The following CRACR2A variants were observed in gnomAD, a reference collection of about 807,000 sequenced individuals.
The protein encoded by CRACR2A is calcium release activated channel regulator 2A, also known as EF-hand calcium-binding domain-containing protein 4B.
A neutral mutation model predicts 90.5 loss-of-function variants in CRACR2A; 79 were observed. That is an observed-to-expected ratio of 0.87 (90% CI 0.73 to 1.05). CRACR2A has a LOEUF of 1.05. Ranked by LOEUF, CRACR2A falls within the 50% of genes least tolerant of loss-of-function variation. The pLI, the probability that CRACR2A is intolerant of heterozygous loss-of-function variation, is 0.00. For missense variants in CRACR2A, 823 were observed against 897.2 expected, an observed-to-expected ratio of 0.92 and a Z score of 1.06; for synonymous variants, 338 against 356.7, an observed-to-expected ratio of 0.95 and a Z score of 0.59.
rs569026211 is a variant in CRACR2A, at chr12:3,641,288, G to A, written c.1271+444C>T. On this transcript the variant is annotated intron_variant, in intron 13 of 19. Transcript: ENST00000440314. The stretch of plus-strand genomic sequence containing the variant: ...GAACCTGGGAGGCAAAGGTTGCAGT[G>A]AGCCGAGATTGCACCACTGCACTCC... 7.9e-5 allele frequency among the ~76,000 whole-genome samples: 12 copies of A among 152,286 alleles called. No individual in the cohort carries two copies. The East Asian group carries it at 2.1e-3, about 27-fold the overall frequency.
intron 19 of CRACR2A, 21 bp from the exon 20 acceptor site, chr12:3,615,460 G>GAGTGA (rs1867661094): frequency 6.5e-7 from 1 of 1,539,162 alleles, no homozygotes; most frequent in Non-Finnish European, 8.8e-7. Context: ...GGAAGAGATC[G>GAGTGA]TGTCAGTGAT....
chr12:3,665,820 C>T (rs953752039), intron 7 of CRACR2A, among the ~76,000 whole-genome samples: 4 of 152,204 alleles, frequency 2.6e-5, no homozygotes, highest in African/African-American at 4.8e-5. Context: ...CCATACATCC[C>T]ACCAACATTG....
rs1944577252 is a variant in CRACR2A at position 3,641,794 on chromosome 12, A to G, written c.1209T>C (p.Ser403=). ...TCACAGAGCCAGATCTCTTTTTCCA[A>G]CTTGCCCTGGAAGCAGCTGTGTTTG... is the stretch of plus-strand genomic sequence containing the variant. ...AKANTAASRA[S]WKKRSGSVIG... The change falls in exon 13 of 20, where the codon AGT becomes AGC. Residue 403 remains serine (S), a synonymous_variant. Transcript: ENST00000440314. 17 of 1,551,502 alleles carry G rather than the reference A, an allele frequency of 1.1e-5. No individual in the cohort carries two copies. Among genetic ancestry groups the G allele is most frequent in the Non-Finnish European group, 1.5e-5 (17 of 1,146,950 alleles).
chr12:3,652,245 G>A (rs1209764388), intron 10 of CRACR2A, among the ~76,000 whole-genome samples: 14 of 152,168 alleles, frequency 9.2e-5, no homozygotes, highest in Admixed American at 9.2e-4. Flanking sequence ...GCCTTCAGAT[G>A]TTTGTTGCTT....
At chr12:3,626,819 G>T (rs1470147993) in intron 17 of CRACR2A, among the ~76,000 whole-genome samples, 4 of 152,198 alleles carry the variant, frequency 2.6e-5, no homozygotes, top group Admixed American at 2.6e-4. Context: ...CATAAACATA[G>T]AGTCTCCCAG....
chr12:3,644,499 G>A, intron 12 of CRACR2A, 96 bp downstream of exon 12: 2 of 1,280,220 alleles, frequency 1.6e-6, no homozygotes, highest in Non-Finnish European at 2.2e-6. Context: ...GATCCCGAGT[G>A]TCAGGACATT....
rs1459168605 is a variant in CRACR2A, at chr12:3,638,107, G to A, written c.1602+17C>T. The A allele has an allele frequency of 6.5e-7, 1 of 1,527,478 alleles. No homozygotes were observed. Among genetic ancestry groups the A allele is most frequent in the Admixed American group, 2.0e-5 (1 of 49,546 alleles). The allele number at this position is 1,527,478 out of a possible 1,614,324, so 94.6% of individuals were successfully genotyped here. A position where few individuals can be genotyped will look rare whatever the true frequency, so the allele number is the denominator to read the frequency against. ...ATAGAAGTGATGTGCATGAACCAAG[G>A]TAGGCTGTGCCCTTACCTTACACAG... On this transcript the variant is annotated intron_variant, in intron 14 of 19. Transcript: ENST00000440314.
intron 6 of CRACR2A, among the ~76,000 whole-genome samples, chr12:3,673,943 C>A (rs1035494913): frequency 6.6e-6 from 1 of 152,210 alleles, no homozygotes; most frequent in African/African-American, 2.4e-5. Context: ...TCCTTCCCCA[C>A]CTCGCTCTGC....
intron 18 of CRACR2A, 41 bp from the exon 19 acceptor site, chr12:3,617,071 G>C (rs1295534166): frequency 2.7e-6 from 4 of 1,477,530 alleles, no homozygotes; most frequent in Non-Finnish European, 3.7e-6. Flanking sequence ...GTATTGGAGT[G>C]AGAGGGGATT....
At chr12:3,618,469 G>C (rs965356948) in intron 18 of CRACR2A, among the ~76,000 whole-genome samples, 3 of 152,120 alleles carry the variant, frequency 2.0e-5, no homozygotes, top group Non-Finnish European at 1.5e-5. Flanking sequence ...GAGCTTTTTG[G>C]ATTTCGGAAT....
chr12:3,729,639 G>A (rs1259386249), intron 2 of CRACR2A: 1 of 152,254 alleles, frequency 6.6e-6, no homozygotes, highest in Non-Finnish European at 1.5e-5. Flanking sequence ...GGAGGCAGAG[G>A]TTGCAGTGAG....
At chr12:3,688,637 T>C (rs1041625324) in intron 4 of CRACR2A, among the ~76,000 whole-genome samples, 36 of 152,250 alleles carry the variant, frequency 2.4e-4, no homozygotes, top group South Asian at 8.3e-4. Context: ...CCTCCAGCTT[T>C]GTTCTTTCTG....
intron 1 of CRACR2A, among the ~76,000 whole-genome samples, chr12:3,735,676 T>C (rs1946440295): frequency 6.6e-6 from 1 of 152,150 alleles, no homozygotes; most frequent in South Asian, 2.1e-4. Flanking sequence ...AGGCAGGACT[T>C]GGACCCAGGC....
chr12:3,676,803 G>A (rs1294115911), intron 6 of CRACR2A, among the ~76,000 whole-genome samples: 1 of 152,132 alleles, frequency 6.6e-6, no homozygotes, highest in Admixed American at 6.5e-5. Context: ...TAAATGCATT[G>A]TAAAATCAAG....
chr12:3,740,922 G>C (rs1946514887), intron 1 of CRACR2A, among the ~76,000 whole-genome samples: 1 of 152,164 alleles, frequency 6.6e-6, no homozygotes, highest in Non-Finnish European at 1.5e-5. Flanking sequence ...CTCTCAGTGA[G>C]AAGTGACTTG....
At chr12:3,750,300 G>A (rs1946686210) in intron 1 of CRACR2A, among the ~76,000 whole-genome samples, 1 of 152,114 alleles carries the variant, frequency 6.6e-6, no homozygotes, top group Admixed American at 6.5e-5. Context: ...ATGTGTGTCA[G>A]TGCAGAAAGC....
chr12:3,658,232 C>T (rs1292910236), intron 8 of CRACR2A, among the ~76,000 whole-genome samples: 1 of 152,118 alleles, frequency 6.6e-6, no homozygotes, highest in Non-Finnish European at 1.5e-5. Context: ...CATGCCCTGG[C>T]CCAGCATTTA....
intron 1 of CRACR2A, among the ~76,000 whole-genome samples, chr12:3,744,074 C>A (rs979865176): frequency 6.6e-6 from 1 of 152,148 alleles, no homozygotes; most frequent in Non-Finnish European, 1.5e-5. Flanking sequence ...GACAGGAAAG[C>A]AAAACAGATC....
intron 18 of CRACR2A, among the ~76,000 whole-genome samples, chr12:3,617,689 C>T (rs2137264546): frequency 6.6e-6 from 1 of 152,326 alleles, no homozygotes; most frequent in Non-Finnish European, 1.5e-5. Context: ...GGTTAAGGCT[C>T]ATCATATTCC....
Sources: gnomAD v4.1 joint callset for allele counts (sites outside exome capture counted in the v4.1 genomes callset) on GRCh38, gnomAD v4.1.1 for gene constraint, MANE v1.5 for transcripts, NCBI Gene and HGNC (gene_info 2026-07-23, HGNC 2026-07-21) for gene names.